CACNA2D3: variants seen among roughly 807,000 people sequenced by gnomAD.
CACNA2D3 encodes calcium voltage-gated channel auxiliary subunit alpha2delta 3.
A neutral mutation model predicts 160.6 loss-of-function variants in CACNA2D3; 60 were observed. The observed-to-expected ratio is 0.37, with a 90% CI of 0.30 to 0.46. The LOEUF (loss-of-function observed/expected upper bound fraction) is 0.46, where lower values mean the gene tolerates loss of function less well. Ranked by LOEUF, CACNA2D3 falls within the 20% of genes least tolerant of loss-of-function variation. The probability of loss-of-function intolerance (pLI) is 1.00; values close to 1 mark genes in which losing one functional copy is unlikely to be tolerated. For missense variants in CACNA2D3, 1,205 were observed against 1,365.0 expected, an observed-to-expected ratio of 0.88 and a Z score of 1.85; for synonymous variants, 558 against 492.9, an observed-to-expected ratio of 1.13 and a Z score of -1.75.
chr3:54,942,290 A>G (rs1490161105), intron 27 of CACNA2D3, among the ~76,000 whole-genome samples: 2 of 152,150 alleles, frequency 1.3e-5, no homozygotes, highest in Non-Finnish European at 2.9e-5. Flanking sequence ...CAGTCAGTCA[A>G]AGCTCAAAGA....
chr3:55,010,424 A>G (rs73071975), intron 34 of CACNA2D3, among the ~76,000 whole-genome samples: 5 of 152,332 alleles, frequency 3.3e-5, no homozygotes, highest in Non-Finnish European at 7.3e-5. Flanking sequence ...AAGAAAGAGT[A>G]TCCGTAATTA....
intron 2 of CACNA2D3, among the ~76,000 whole-genome samples, chr3:54,253,895 G>C (rs1702244468): frequency 6.6e-6 from 1 of 151,936 alleles, no homozygotes; most frequent in African/African-American, 2.4e-5. Flanking sequence ...AGCCTCCCGA[G>C]TAGCTGGGAT....
chr3:54,685,003 C>A (rs924443012), intron 11 of CACNA2D3, among the ~76,000 whole-genome samples: 1 of 152,166 alleles, frequency 6.6e-6, no homozygotes, highest in Non-Finnish European at 1.5e-5. Context: ...AAAACCCTGA[C>A]TTTGATTAAA....
rs548264010 is a variant in CACNA2D3 at position 54,827,138 on chromosome 3, A to G, written c.1399-10021A>G. On this transcript the variant is annotated intron_variant, in intron 14 of 37. Transcript: ENST00000474759. ...AGAGTCTGAGGGTGGAGTGGTTACT[A>G]CACAGGCTCTGGCATCAGGTAGACC... Among the ~76,000 whole-genome samples the G allele has an allele frequency of 2.0e-5, 3 of 152,328 alleles. No homozygotes were observed. The South Asian group carries it at 6.2e-4, about 32-fold the overall frequency.
rs1425982505 is a variant in CACNA2D3 at position 54,322,508 on chromosome 3, G to T, written c.321+1950G>T. ...GAAATGACCAAACAGGCTTGGCAGG[G>T]TGAAGGCATTTGCCCAGGTCACGTG... On this transcript the variant is annotated intron_variant, in intron 3 of 37. Coordinates refer to ENST00000474759, the MANE Select transcript of CACNA2D3 (RefSeq NM_018398.3). Among the ~76,000 whole-genome samples, 4 of 152,224 alleles carry T rather than the reference G, an allele frequency of 2.6e-5. No homozygotes were observed. The East Asian group carries it at 7.7e-4, about 29-fold the overall frequency.
chr3:54,213,336 C>T (rs182403690), intron 2 of CACNA2D3, among the ~76,000 whole-genome samples: 23 of 152,274 alleles, frequency 1.5e-4, no homozygotes, highest in Non-Finnish European at 2.6e-4. Context: ...TTAATTAGTA[C>T]ATTTCTATGA....
chr3:54,678,487 C>A (rs1700281732), intron 11 of CACNA2D3, among the ~76,000 whole-genome samples: 1 of 151,890 alleles, frequency 6.6e-6, no homozygotes, highest in Non-Finnish European at 1.5e-5. Flanking sequence ...TTTTGGGAGG[C>A]CAAGGAGGGC....
At position 54,483,669 on chromosome 3, in the gene CACNA2D3, G is replaced by A. The variant is rs536451051; in HGVS notation, c.382-19823G>A. ...AAAATAAATAGGGAAGTCTGAGAGA[G>A]AAAAATATCACAGTCTCACCATCTT... On this transcript the variant is annotated intron_variant, in intron 4 of 37. Coordinates refer to ENST00000474759, the MANE Select transcript of CACNA2D3 (RefSeq NM_018398.3). Among the ~76,000 whole-genome samples, 3 of 152,324 alleles carry A rather than the reference G, an allele frequency of 2.0e-5. No homozygotes were observed. The East Asian group carries it at 5.8e-4, about 29-fold the overall frequency.
At chr3:54,924,556 C>A in intron 27 of CACNA2D3, 1 of 1,322,206 alleles carries the variant, frequency 7.6e-7, no homozygotes, top group South Asian at 1.3e-5. Context: ...ATGCAGAGAA[C>A]AGATGAGATT....
chr3:54,755,297 C>A (rs1701949885), intron 12 of CACNA2D3, among the ~76,000 whole-genome samples: 1 of 152,060 alleles, frequency 6.6e-6, no homozygotes, highest in South Asian at 2.1e-4. Flanking sequence ...GAAATAAATG[C>A]TTCTGTGGGG....
chr3:54,829,865 CTT>C (rs1362041363), intron 14 of CACNA2D3, among the ~76,000 whole-genome samples: 1 of 114,860 alleles, frequency 8.7e-6, no homozygotes, highest in Non-Finnish European at 1.8e-5. Flanking sequence ...TTCTGCATAT[CTT>C]TTCTTCTTCT....
chr3:54,622,424 C>T (rs1023729560), intron 9 of CACNA2D3, among the ~76,000 whole-genome samples: 5 of 152,094 alleles, frequency 3.3e-5, no homozygotes, highest in African/African-American at 9.7e-5. Context: ...TACAGGCGCC[C>T]GCCACCACGT....
chr3:54,637,292 T>C (rs534986499), intron 10 of CACNA2D3, among the ~76,000 whole-genome samples: 7 of 151,730 alleles, frequency 4.6e-5, no homozygotes, highest in Non-Finnish European at 1.0e-4. Flanking sequence ...GGGTGCATGA[T>C]CGGTCACCAA....
At chr3:54,401,315 G>T (rs1045208482) in intron 4 of CACNA2D3, among the ~76,000 whole-genome samples, 1 of 152,190 alleles carries the variant, frequency 6.6e-6, no homozygotes, top group Non-Finnish European at 1.5e-5. Context: ...GAGGTAGGAA[G>T]AGGAAGCTTA....
intron 4 of CACNA2D3, among the ~76,000 whole-genome samples, chr3:54,473,101 C>A (rs189123019): frequency 1.3e-5 from 2 of 152,252 alleles, no homozygotes; most frequent in African/African-American, 2.4e-5. Flanking sequence ...AAGAATAAAG[C>A]TGGAGGCATC....
chr3:54,472,623 A>G (rs1402479347), intron 4 of CACNA2D3, among the ~76,000 whole-genome samples: 1 of 152,232 alleles, frequency 6.6e-6, no homozygotes, highest in Non-Finnish European at 1.5e-5. Flanking sequence ...ACATGATTGT[A>G]TATTTAGAAA....
In CACNA2D3 at chr3:54,761,278, G is replaced by A. The variant is rs1371707667; in HGVS notation, c.1247-2940G>A. Among the ~76,000 whole-genome samples, 7 of 152,108 alleles carry A rather than the reference G, an allele frequency of 4.6e-5. No individual in the cohort carries two copies. In the East Asian group the frequency reaches 1.4e-3, roughly 29 times the overall value. On this transcript the variant is annotated intron_variant, in intron 12 of 37. Coordinates refer to ENST00000474759, the MANE Select transcript of CACNA2D3 (RefSeq NM_018398.3). ...CACCTAAACAGAATTGTTTGACACTGCAAAGCACTCATCCCTGTATCCTTA... is the reference window on the plus strand; with the variant it reads ...CACCTAAACAGAATTGTTTGACACTACAAAGCACTCATCCCTGTATCCTTA...
intron 4 of CACNA2D3, among the ~76,000 whole-genome samples, chr3:54,475,836 T>TGTGTGTGTGTGTGTGA (rs367560891): frequency 1.3e-5 from 2 of 151,266 alleles, no homozygotes; most frequent in Non-Finnish European, 3.0e-5. Context: ...TGTGTGTGTG[T>TGTGTGTGTGTGTGTGA]GACAGAGAGA....
At chr3:54,417,429 G>T (rs975111089) in intron 4 of CACNA2D3, among the ~76,000 whole-genome samples, 1 of 152,142 alleles carries the variant, frequency 6.6e-6, no homozygotes, top group African/African-American at 2.4e-5. Context: ...TGTTCTTTCA[G>T]ACTACGAGTT....
Sources: gnomAD v4.1 joint callset for allele counts (sites outside exome capture counted in the v4.1 genomes callset) on GRCh38, gnomAD v4.1.1 for gene constraint, MANE v1.5 for transcripts, NCBI Gene and HGNC (gene_info 2026-07-23, HGNC 2026-07-21) for gene names.